CADM2: variants seen among roughly 807,000 people sequenced by gnomAD.
CADM2 encodes the protein immunoglobulin superfamily member 4D.
A neutral mutation model predicts 49.8 loss-of-function variants in CADM2; 12 were observed. The ratio of observed to expected loss-of-function variants is 0.24; its 90% CI spans 0.15 to 0.39. The LOEUF (loss-of-function observed/expected upper bound fraction) is 0.39. CADM2 is among the 10% of genes least tolerant of loss of function. The probability of loss-of-function intolerance (pLI) is 1.00; values close to 1 mark genes in which losing one functional copy is unlikely to be tolerated. For synonymous variants in CADM2, 214 were observed against 175.4 expected, an observed-to-expected ratio of 1.22 and a Z score of -1.74; for missense variants, 378 against 492.3, an observed-to-expected ratio of 0.77 and a Z score of 2.20.
intron 1 of CADM2, among the ~76,000 whole-genome samples, chr3:85,395,352 A>G (rs2034731340): frequency 6.6e-6 from 1 of 151,634 alleles, no homozygotes; most frequent in Non-Finnish European, 1.5e-5. Flanking sequence ...ATAGAAAAAC[A>G]TAAGACATTG....
chr3:85,802,820 CA>C (rs2072136382), intron 3 of CADM2, among the ~76,000 whole-genome samples: 1 of 151,936 alleles, frequency 6.6e-6, no homozygotes, highest in African/African-American at 2.4e-5. Context: ...GTAATCCAAG[CA>C]AACAACTAAA....
intron 1 of CADM2, among the ~76,000 whole-genome samples, chr3:85,353,834 T>C (rs113707530): frequency 1.3e-5 from 2 of 152,018 alleles, no homozygotes; most frequent in African/African-American, 4.8e-5. Context: ...TAATGAAAAT[T>C]TGGCCATTTA....
chr3:85,395,227 G>A (rs72905475), intron 1 of CADM2, among the ~76,000 whole-genome samples: 5,740 of 147,144 alleles, frequency 0.039, 369 homozygotes, highest in African/African-American at 0.13. Flanking sequence ...GAGCCTGGGA[G>A]GCTGAGGCTG....
At chr3:85,984,938 C>T (rs971178963) in intron 8 of CADM2, among the ~76,000 whole-genome samples, 13 of 151,650 alleles carry the variant, frequency 8.6e-5, no homozygotes, top group Admixed American at 6.6e-4. Context: ...CAAAATGGTA[C>T]GGCACACAGG....
chr3:85,384,456 C>T (rs77529581), intron 1 of CADM2, among the ~76,000 whole-genome samples: 29,676 of 151,894 alleles, frequency 0.2, 3,695 homozygotes, highest in East Asian at 0.3. Context: ...GGATTACAGA[C>T]ACCCGCCACC....
At chr3:85,292,184 G>T (rs1322059313) in intron 1 of CADM2, among the ~76,000 whole-genome samples, 3 of 149,160 alleles carry the variant, frequency 2.0e-5, no homozygotes, top group Non-Finnish European at 4.4e-5. Context: ...GATCAAAAGA[G>T]ACAAAGAAGG....
At chr3:85,527,458 A>G (rs1220785166) in intron 1 of CADM2, among the ~76,000 whole-genome samples, 1 of 105,590 alleles carries the variant, frequency 9.5e-6, no homozygotes, top group Non-Finnish European at 2.3e-5. Context: ...TACAAACTCT[A>G]TAAAATGGTA....
chr3:85,745,728 A>G (rs911408383), intron 2 of CADM2, among the ~76,000 whole-genome samples: 7 of 152,052 alleles, frequency 4.6e-5, no homozygotes, highest in African/African-American at 1.4e-4. Context: ...ATTCAGGCAT[A>G]GTGGTGCATG....
At chr3:85,874,264 T>C (rs892614131) in intron 3 of CADM2, among the ~76,000 whole-genome samples, 11 of 152,186 alleles carry the variant, frequency 7.2e-5, no homozygotes. Context: ...TTGTACACAA[T>C]GTAGTCTGGA....
chr3:85,718,109 T>C (rs150671611), intron 1 of CADM2, among the ~76,000 whole-genome samples: 24 of 152,278 alleles, frequency 1.6e-4, no homozygotes, highest in African/African-American at 5.8e-4. Flanking sequence ...AAATATTTCT[T>C]ACACCTAATA....
chr3:85,784,083 G>A (rs1008926485), intron 2 of CADM2, among the ~76,000 whole-genome samples: 2 of 152,112 alleles, frequency 1.3e-5, no homozygotes, highest in African/African-American at 2.4e-5. Context: ...CACACTGCAC[G>A]CACACACATT....
chr3:85,345,313 CAAAAAAAAAAA>C (rs3085180), intron 1 of CADM2, among the ~76,000 whole-genome samples: 1 of 47,176 alleles, frequency 2.1e-5, no homozygotes. Flanking sequence ...GTCTCCATCT[CAAAAAAAAAAA>C]AAAAAAAAAA....
At chr3:85,606,385 T>C (rs2063539543) in intron 1 of CADM2, among the ~76,000 whole-genome samples, 1 of 152,108 alleles carries the variant, frequency 6.6e-6, no homozygotes, top group Non-Finnish European at 1.5e-5. Flanking sequence ...AATCTAATAA[T>C]TGCACAGCAA....
At chr3:85,680,961 A>G (rs1414026127) in intron 1 of CADM2, among the ~76,000 whole-genome samples, 4 of 152,180 alleles carry the variant, frequency 2.6e-5, no homozygotes, top group South Asian at 4.1e-4. Context: ...AACCAAATAT[A>G]TGAAAAATTC....
chr3:86,047,619 G>A (rs1247459567), intron 8 of CADM2, among the ~76,000 whole-genome samples: 1 of 152,156 alleles, frequency 6.6e-6, no homozygotes, highest in Admixed American at 6.6e-5. Flanking sequence ...GTGTGTAAGA[G>A]GAGTAAGAAG....
intron 1 of CADM2, among the ~76,000 whole-genome samples, chr3:85,378,175 C>T (rs970885630): frequency 2.0e-5 from 3 of 151,934 alleles, no homozygotes; most frequent in South Asian, 2.1e-4. Flanking sequence ...TTTCTTTTGT[C>T]CTCAAAACAA....
chr3:85,898,928 A>C (rs1715653344), intron 5 of CADM2, among the ~76,000 whole-genome samples: 1 of 59,444 alleles, frequency 1.7e-5, no homozygotes, highest in African/African-American at 7.1e-5. Context: ...AATCCAATTC[A>C]TTTATTGTGT....
intron 1 of CADM2, among the ~76,000 whole-genome samples, chr3:85,231,823 CT>C: frequency 6.6e-6 from 1 of 151,446 alleles, no homozygotes; most frequent in South Asian, 2.1e-4. Context: ...AGTGATTCTC[CT>C]TCCTCAGCCT....
intron 2 of CADM2, among the ~76,000 whole-genome samples, chr3:85,756,243 T>G (rs2069115772): frequency 1.3e-5 from 2 of 152,126 alleles, no homozygotes; most frequent in South Asian, 4.1e-4. Context: ...CCTTTAGACA[T>G]GACTGAACGC....
Sources: allele counts gnomAD v4.1 joint callset (sites outside exome capture counted in the v4.1 genomes callset), GRCh38; gene constraint gnomAD v4.1.1; transcripts MANE v1.5; gene names NCBI Gene and HGNC (gene_info 2026-07-23, HGNC 2026-07-21).